The following PRCD variants were observed in gnomAD, a reference collection of about 807,000 sequenced individuals.
PRCD encodes photoreceptor disc component.
In PRCD, 12 loss-of-function variants were observed where a neutral mutation model predicts 10.1. The ratio of observed to expected loss-of-function variants is 1.18; its 90% CI spans 0.76 to 1.92. PRCD has a LOEUF of 1.92. PRCD is among the 40% of genes most tolerant of loss of function. PRCD has a pLI of 0.00. For missense variants in PRCD, 61 were observed against 72.2 expected (o/e 0.84, Z 0.56); for synonymous variants, 31 against 26.2 (o/e 1.18, Z -0.56).
downstream of PRCD, chr17:76,546,473 C>T (rs866565666): frequency 2.3e-4 from 34 of 150,400 alleles, no homozygotes; most frequent in African/African-American, 5.9e-4. This position sits in a 1 kb window ranked among gnomAD's most constrained non-coding sequence, Gnocchi z 4.5. Context: ...TGTGTGTGTG[C>T]GCGCAGTCCT....
At chr17:76,538,385 T>G, upstream of PRCD, 1 of 387,600 alleles carries the variant, frequency 2.6e-6, no homozygotes, top group Non-Finnish European at 5.3e-6. Flanking sequence ...TGAGCGCACC[T>G]CCGACCTCGG....
At chr17:76,532,693 G>A (rs1033933185) in intron 1 of PRCD, among the ~76,000 whole-genome samples, 6 of 151,912 alleles carry the variant, frequency 3.9e-5, no homozygotes, top group African/African-American at 7.3e-5. Flanking sequence ...CACCACGCCC[G>A]GCTAGCTAAT....
In PRCD at chr17:76,531,013, C is replaced by G. The variant is rs1044200194; in HGVS notation, n.45+3180C>G. On this transcript the variant is annotated intron_variant and non_coding_transcript_variant, in intron 1 of 4. Coordinates refer to the PRCD transcript ENST00000397633. This position sits in a 1 kb window ranked among gnomAD's most constrained non-coding sequence, Gnocchi z 7.4. ...TTGGGGACCTGCTGCACCCAGCCCA[C>G]TTCCTTGTAGGCAGCGGTCACGTGG... The G allele has an allele frequency of 6.2e-7, 1 of 1,613,168 alleles. No homozygotes were observed. The highest frequency in any genetic ancestry group is 8.5e-7 in the Non-Finnish European group (1 of 1,179,590).
In PRCD at chr17:76,530,324, G is replaced by A. The variant is rs1157287768; in HGVS notation, n.45+2491G>A. 6.6e-6 allele frequency among the ~76,000 whole-genome samples: 1 copy of A among 152,038 alleles called. No individual in the cohort carries two copies. Among genetic ancestry groups the A allele is most frequent in the Non-Finnish European group, 1.5e-5 (1 of 68,002 alleles). On this transcript the variant is annotated intron_variant and non_coding_transcript_variant, in intron 1 of 4. Transcript: ENST00000397633. The surrounding 1 kb of genome is among the most constrained non-coding windows in gnomAD (Gnocchi z 6.1). ...GGGGCTAGCCCTCCCCTCACGCTCC[G>A]AGTCAGCAGGAGTCACAGAGGGCGG...
chr17:76,528,557 A>C lies in PRCD; in HGVS notation n.45+724A>C, dbSNP rs2074793508. 1 of 1,186,252 alleles carries C rather than the reference A, an allele frequency of 8.4e-7. No homozygotes were observed. The highest frequency in any genetic ancestry group is 1.1e-6 in the Non-Finnish European group (1 of 938,930). The allele number at this position is 1,186,252 out of a possible 1,614,324, so 73.5% of individuals were successfully genotyped here. A position where few individuals can be genotyped will look rare whatever the true frequency, so the allele number is the denominator to read the frequency against. On this transcript the variant is annotated intron_variant and non_coding_transcript_variant, in intron 1 of 4. Coordinates refer to the PRCD transcript ENST00000397633. The surrounding 1 kb of genome is among the most constrained non-coding windows in gnomAD (Gnocchi z 5.8). ...CCTTCTGCTCGAGGTGCTGCCAGGGAGGGGGGTGGAGTTAGGGGTCCTACG... is the reference window on the plus strand; with the variant it reads ...CCTTCTGCTCGAGGTGCTGCCAGGGCGGGGGGTGGAGTTAGGGGTCCTACG...
upstream of PRCD, among the ~76,000 whole-genome samples, chr17:76,535,431 C>T (rs1281449689): frequency 1.3e-5 from 2 of 152,166 alleles, no homozygotes; most frequent in Admixed American, 6.5e-5. Context: ...TCTTCCCCTT[C>T]CCCCACTGAC....
chr17:76,530,298 G>T lies in PRCD; in HGVS notation n.45+2465G>T, dbSNP rs913683344. On this transcript the variant is annotated intron_variant and non_coding_transcript_variant, in intron 1 of 4. Coordinates refer to the PRCD transcript ENST00000397633. The surrounding 1 kb of genome is among the most constrained non-coding windows in gnomAD (Gnocchi z 6.1). The stretch of plus-strand genomic sequence containing the variant: ...CCGAGTGTTCCCAACCGCCACATCT[G>T]GGGGCTAGCCCTCCCCTCACGCTCC... Among the ~76,000 whole-genome samples the T allele has an allele frequency of 1.3e-5, 2 of 152,024 alleles. No individual in the cohort carries two copies. The highest frequency in any genetic ancestry group is 2.9e-5 in the Non-Finnish European group (2 of 67,980).
At chr17:76,552,515 G>A (rs1431949807) in intron 1 of PRCD, among the ~76,000 whole-genome samples, 2 of 151,890 alleles carry the variant, frequency 1.3e-5, no homozygotes, top group African/African-American at 4.8e-5. Context: ...CTCACATTTT[G>A]TAATTCACTC....
At chr17:76,548,315 C>G (rs2075076463), downstream of PRCD, among the ~76,000 whole-genome samples, 2 of 152,194 alleles carry the variant, frequency 1.3e-5, no homozygotes, top group East Asian at 3.8e-4. Context: ...CAAATACACA[C>G]AGTATCATAT....
At chr17:76,545,564 A>C, downstream of PRCD, 2 of 348,702 alleles carry the variant, frequency 5.7e-6, no homozygotes, top group South Asian at 4.3e-5. Flanking sequence ...AGAGTCCAAG[A>C]GCAAGGTGTC....
upstream of PRCD, chr17:76,537,520 A>T (rs1238340565): frequency 6.4e-7 from 1 of 1,570,168 alleles, no homozygotes; most frequent in East Asian, 2.5e-5. Context: ...CTCGATCTCC[A>T]TCTCGCCTGG....
intron 1 of PRCD, chr17:76,551,598 T>A (rs2075109733): frequency 6.6e-6 from 1 of 152,192 alleles, no homozygotes; most frequent in African/African-American, 2.4e-5. Context: ...TTACTTTTCT[T>A]CCATCTGCCT....
chr17:76,536,038 G>A (rs2143113812), upstream of PRCD, among the ~76,000 whole-genome samples: 1 of 152,298 alleles, frequency 6.6e-6, no homozygotes, highest in Non-Finnish European at 1.5e-5. Context: ...CCCACAATGT[G>A]CTTGTGTGGG....
In PRCD at chr17:76,540,250, T is replaced by TGG. The variant is rs774019278; in HGVS notation, c.74+35_74+36insGG. The TGG allele has an allele frequency of 0.02, 9,340 of 460,592 alleles. 927 individuals are homozygous for TGG. The highest frequency in any genetic ancestry group is 0.024 in the Non-Finnish European group (6,528 of 274,298). 28.5% of individuals were successfully genotyped at this position (460,592 alleles called of 1,614,324 possible). ...TGACCGGGCTATGGCTGGCGGTTGG[T>TGG]CGGGGGGGGGGGGCATGGGGCTGGG... On this transcript the variant is annotated intron_variant, in intron 1 of 4. Transcript: ENST00000592014. The surrounding 1 kb of genome is among the most constrained non-coding windows in gnomAD (Gnocchi z 5.0).
Position 76,529,025 on chromosome 17 carries a change from C to T in PRCD, n.45+1192C>T, listed in dbSNP as rs935154061. The T allele has an allele frequency of 1.2e-5, 12 of 972,784 alleles. No individual in the cohort carries two copies. The African/African-American group carries it at 1.2e-4, about 10-fold the overall frequency. The allele number at this position is 972,784 out of a possible 1,614,324, so 60.3% of individuals were successfully genotyped here. On this transcript the variant is annotated intron_variant and non_coding_transcript_variant, in intron 1 of 4. Coordinates refer to the PRCD transcript ENST00000397633. Reference sequence around the variant, plus strand: ...ATTCTCGTATTCTCGGTACACACAGCGCCCCCTGCAGTCATTGCGCCCCCC... The same window carrying T: ...ATTCTCGTATTCTCGGTACACACAGTGCCCCCTGCAGTCATTGCGCCCCCC...
intron 1 of PRCD, among the ~76,000 whole-genome samples, chr17:76,532,305 C>T (rs1474085504): frequency 6.6e-6 from 1 of 152,176 alleles, no homozygotes; most frequent in African/African-American, 2.4e-5. Context: ...GGAAAATGTT[C>T]CTCGGGTGAG....
At chr17:76,529,444 G>T (rs2074807657) in intron 1 of PRCD, 2 of 985,476 alleles carry the variant, frequency 2.0e-6, no homozygotes, top group Non-Finnish European at 1.2e-6. Context: ...AGTCCCTAGG[G>T]CAGGGTGGGG....
chr17:76,548,151 A>G (rs2075073534), downstream of PRCD, among the ~76,000 whole-genome samples: 1 of 152,058 alleles, frequency 6.6e-6, no homozygotes, highest in Non-Finnish European at 1.5e-5. Flanking sequence ...AGACATACAC[A>G]TTCACACATA....
In PRCD at chr17:76,533,942, G is replaced by T. The variant is rs1356314391; in HGVS notation, n.45+6109G>T. ...GCTACTTGGGAGGCTGCAGCAGGAA[G>T]ATCCGATCGCATCACGAGCCCAGGA... On this transcript the variant is annotated intron_variant and non_coding_transcript_variant, in intron 1 of 4. Coordinates refer to the PRCD transcript ENST00000397633. The surrounding 1 kb of genome is among the most constrained non-coding windows in gnomAD (Gnocchi z 4.5). 6.6e-6 allele frequency among the ~76,000 whole-genome samples: 1 copy of T among 152,064 alleles called. No homozygotes were observed. The highest frequency in any genetic ancestry group is 1.5e-5 in the Non-Finnish European group (1 of 68,030).
Sources: gnomAD v4.1 joint callset for allele counts (sites outside exome capture counted in the v4.1 genomes callset) on GRCh38, gnomAD v4.1.1 for gene constraint, Gnocchi (gnomAD v3.1) non-coding constraint, MANE v1.5 for transcripts, NCBI Gene and HGNC (gene_info 2026-07-23, HGNC 2026-07-21) for gene names.